SGCZ: variants seen among roughly 807,000 people sequenced by gnomAD.
SGCZ encodes the protein sarcoglycan zeta, also known as zeta-sarcoglycan.
Under a neutral mutation model 41.3 loss-of-function variants are expected in SGCZ, and 40 were observed. The ratio of observed to expected loss-of-function variants is 0.97; its 90% CI spans 0.75 to 1.26. The LOEUF (loss-of-function observed/expected upper bound fraction) is 1.26. SGCZ is among the 50% of genes most tolerant of loss of function. SGCZ has a pLI of 0.00. For missense variants in SGCZ, 552 were observed against 369.8 expected (o/e 1.49, Z -4.04); for synonymous variants, 206 against 137.5 (o/e 1.50, Z -3.49).
At chr8:14,440,376 G>A (rs998955650) in intron 2 of SGCZ, among the ~76,000 whole-genome samples, 1 of 152,042 alleles carries the variant, frequency 6.6e-6, no homozygotes, top group African/African-American at 2.4e-5. Flanking sequence ...TGAATTTGGT[G>A]ATAAAACAAA....
chr8:14,652,346 A>AGTG (rs1563180456), intron 1 of SGCZ, among the ~76,000 whole-genome samples: 1 of 50,738 alleles, frequency 2.0e-5, no homozygotes, highest in Non-Finnish European at 3.4e-5. Context: ...AAAAAAAAAA[A>AGTG]GGGGGGGGTG....
At position 14,471,917 on chromosome 8, in the gene SGCZ, A is replaced by G. The variant is rs1177236339; in HGVS notation, c.234+82815T>C. Among the ~76,000 whole-genome samples the G allele has an allele frequency of 3.3e-5, 5 of 152,198 alleles. No homozygotes were observed. The South Asian group carries it at 8.3e-4, about 25-fold the overall frequency. Reference sequence around the variant, plus strand: ...CAAAGAAATAATGACAAATAAATACATCATCATCTGAGATACTGAGACATA... The same window carrying G: ...CAAAGAAATAATGACAAATAAATACGTCATCATCTGAGATACTGAGACATA... On this transcript the variant is annotated intron_variant, in intron 2 of 7. Coordinates refer to ENST00000382080, the MANE Select transcript of SGCZ (RefSeq NM_139167.4).
chr8:14,648,157 A>C (rs1807285325), intron 1 of SGCZ, among the ~76,000 whole-genome samples: 1 of 152,122 alleles, frequency 6.6e-6, no homozygotes, highest in South Asian at 2.1e-4. Context: ...GCTAAGGCTA[A>C]CAATTTCAGG....
chr8:15,197,603 G>C (rs960678711), intron 1 of SGCZ, among the ~76,000 whole-genome samples: 2 of 152,102 alleles, frequency 1.3e-5, no homozygotes, highest in Non-Finnish European at 2.9e-5. Context: ...AATTCAGCTT[G>C]AAAATCAGAA....
intron 1 of SGCZ, among the ~76,000 whole-genome samples, chr8:15,193,468 T>C (rs571933044): frequency 4.6e-5 from 7 of 152,150 alleles, no homozygotes; most frequent in Admixed American, 1.3e-4. Context: ...CTTGTAAAAC[T>C]CTATACAGTA....
At chr8:14,792,146 G>C (rs1220655442) in intron 1 of SGCZ, among the ~76,000 whole-genome samples, 1 of 152,118 alleles carries the variant, frequency 6.6e-6, no homozygotes, top group Non-Finnish European at 1.5e-5. Flanking sequence ...TGCATAGAAA[G>C]GTGTGATAAA....
intron 3 of SGCZ, among the ~76,000 whole-genome samples, chr8:14,270,579 A>G (rs1452939675): frequency 3.9e-5 from 6 of 152,176 alleles, no homozygotes; most frequent in African/African-American, 1.4e-4. Flanking sequence ...GGGATTTAAT[A>G]TATCTGGGAG....
At chr8:15,176,426 T>G (rs1437421374) in intron 1 of SGCZ, among the ~76,000 whole-genome samples, 1 of 152,224 alleles carries the variant, frequency 6.6e-6, no homozygotes, top group Non-Finnish European at 1.5e-5. Context: ...GCAAATAGTC[T>G]AATTGAAAGG....
chr8:15,181,652 C>T (rs968855377), intron 1 of SGCZ, among the ~76,000 whole-genome samples: 8 of 151,942 alleles, frequency 5.3e-5, no homozygotes, highest in African/African-American at 1.2e-4. Context: ...CATTTTGATA[C>T]GCTAAAAAAA....
At chr8:14,982,376 T>C (rs1801695111) in intron 1 of SGCZ, among the ~76,000 whole-genome samples, 1 of 152,200 alleles carries the variant, frequency 6.6e-6, no homozygotes, top group South Asian at 2.1e-4. Context: ...TATACACAAA[T>C]TATTTAATTT....
chr8:14,924,902 G>C (rs1799700306), intron 1 of SGCZ, among the ~76,000 whole-genome samples: 1 of 146,660 alleles, frequency 6.8e-6, no homozygotes, highest in Admixed American at 6.9e-5. Flanking sequence ...GTGTCACCCA[G>C]GCTGGAGTGC....
At chr8:14,220,903 A>C (rs1421758292) in intron 4 of SGCZ, among the ~76,000 whole-genome samples, 1 of 152,238 alleles carries the variant, frequency 6.6e-6, no homozygotes, top group Non-Finnish European at 1.5e-5. Flanking sequence ...TTGTTATCTT[A>C]AGTTGTAGAT....
intron 1 of SGCZ, among the ~76,000 whole-genome samples, chr8:14,706,114 C>G (rs887311891): frequency 6.6e-6 from 1 of 152,018 alleles, no homozygotes; most frequent in Non-Finnish European, 1.5e-5. Flanking sequence ...AATTTTCCCC[C>G]CCATGGTCTA....
intron 1 of SGCZ, among the ~76,000 whole-genome samples, chr8:14,766,727 ATTTTTTTTTT>A (rs33955290): frequency 2.2e-5 from 2 of 92,804 alleles, no homozygotes; most frequent in African/African-American, 9.1e-5. Context: ...ATGTCCAGCT[ATTTTTTTTTT>A]TTTTTTTTTT....
At chr8:14,288,042 G>A (rs939820432) in intron 3 of SGCZ, among the ~76,000 whole-genome samples, 7 of 152,148 alleles carry the variant, frequency 4.6e-5, no homozygotes, top group African/African-American at 1.7e-4. Context: ...TTGGAAAGGA[G>A]AACTATTCTT....
intron 2 of SGCZ, among the ~76,000 whole-genome samples, chr8:14,551,092 A>G (rs1429595575): frequency 2.0e-5 from 3 of 150,338 alleles, no homozygotes; most frequent in African/African-American, 7.3e-5. Context: ...CATTTGCTTA[A>G]TAAATATTAT....
intron 2 of SGCZ, among the ~76,000 whole-genome samples, chr8:14,375,841 C>T (rs1000429318): frequency 6.6e-6 from 1 of 151,774 alleles, no homozygotes; most frequent in Non-Finnish European, 1.5e-5. Context: ...CCAATGGAAT[C>T]CAAAACAAAG....
At chr8:14,702,634 C>T (rs767279282) in intron 1 of SGCZ, among the ~76,000 whole-genome samples, 8 of 151,784 alleles carry the variant, frequency 5.3e-5, no homozygotes, top group African/African-American at 1.2e-4. Context: ...TAAAGGACAC[C>T]GCTATTTACT....
intron 3 of SGCZ, among the ~76,000 whole-genome samples, chr8:14,316,361 T>C (rs1352135202): frequency 6.6e-6 from 1 of 151,982 alleles, no homozygotes; most frequent in Admixed American, 6.6e-5. Context: ...AATAAAAGAA[T>C]ACATCACCAT....
Sources: gnomAD v4.1 joint callset for allele counts (sites outside exome capture counted in the v4.1 genomes callset) on GRCh38, gnomAD v4.1.1 for gene constraint, MANE v1.5 for transcripts, NCBI Gene and HGNC (gene_info 2026-07-23, HGNC 2026-07-21) for gene names.